The following PDLIM5 variants were observed in gnomAD, a reference collection of about 807,000 sequenced individuals.
PDLIM5 encodes the protein PDZ and LIM domain protein 5.
In PDLIM5, 34 loss-of-function variants were observed where a neutral mutation model predicts 64.2. That is an observed-to-expected ratio of 0.53 (90% CI 0.40 to 0.71). The LOEUF is 0.71. Among genes scored for constraint, PDLIM5 ranks in the 30% least tolerant of loss-of-function variants. The probability of loss-of-function intolerance (pLI) is 0.00; values close to 1 mark genes in which losing one functional copy is unlikely to be tolerated. For synonymous variants in PDLIM5, 253 were observed against 269.1 expected, an observed-to-expected ratio of 0.94 and a Z score of 0.59; for missense variants, 683 against 733.6, an observed-to-expected ratio of 0.93 and a Z score of 0.80.
At chr4:94,513,256 G>C (rs912803534) in intron 2 of PDLIM5, among the ~76,000 whole-genome samples, 4 of 152,040 alleles carry the variant, frequency 2.6e-5, no homozygotes, top group African/African-American at 9.7e-5. Flanking sequence ...TGCTTTTTCT[G>C]TTTCTGTGAA....
At chr4:94,614,748 C>T (rs758554070) in intron 7 of PDLIM5, among the ~76,000 whole-genome samples, 8 of 152,082 alleles carry the variant, frequency 5.3e-5, no homozygotes, top group Non-Finnish European at 7.4e-5. Flanking sequence ...TGAGAGAGAA[C>T]GTATACAAAC....
intron 2 of PDLIM5, among the ~76,000 whole-genome samples, chr4:94,493,153 A>G (rs1727022381): frequency 6.6e-6 from 1 of 152,162 alleles, no homozygotes; most frequent in Admixed American, 6.6e-5. Flanking sequence ...ACATTTGTAT[A>G]TCTTGTTTGG....
intron 3 of PDLIM5, among the ~76,000 whole-genome samples, chr4:94,554,834 C>G (rs533896244): frequency 6.6e-6 from 1 of 152,264 alleles, no homozygotes; most frequent in South Asian, 2.1e-4. Context: ...GAATGGTCCT[C>G]AATTTACAAA....
chr4:94,547,554 C>G (rs1233762929), intron 3 of PDLIM5, among the ~76,000 whole-genome samples: 1 of 152,150 alleles, frequency 6.6e-6, no homozygotes, highest in Non-Finnish European at 1.5e-5. Flanking sequence ...TTAATTCCAT[C>G]TGGTACCCTA....
chr4:94,464,201 C>T (rs1207371188), intron 2 of PDLIM5, among the ~76,000 whole-genome samples: 1 of 152,188 alleles, frequency 6.6e-6, no homozygotes, highest in Non-Finnish European at 1.5e-5. Flanking sequence ...AATTGTTAAA[C>T]ATTTTTTTCC....
At chr4:94,534,109 C>A (rs2110164111) in intron 3 of PDLIM5, among the ~76,000 whole-genome samples, 2 of 152,286 alleles carry the variant, frequency 1.3e-5, no homozygotes, top group South Asian at 4.1e-4. Flanking sequence ...CAGTACACAC[C>A]TAGTCTTGTT....
At chr4:94,575,081 T>G (rs1278199957) in intron 4 of PDLIM5, among the ~76,000 whole-genome samples, 1 of 151,880 alleles carries the variant, frequency 6.6e-6, no homozygotes, top group African/African-American at 2.4e-5. Context: ...ATTCCCTGTG[T>G]TTTTTGTTTT....
At chr4:94,488,082 A>C (rs1358470338) in intron 2 of PDLIM5, among the ~76,000 whole-genome samples, 2 of 152,196 alleles carry the variant, frequency 1.3e-5, no homozygotes, top group Non-Finnish European at 2.9e-5. Context: ...GTGCTGAATT[A>C]ACCCATTCCT....
At chr4:94,518,066 A>G (rs1333561054) in intron 2 of PDLIM5, among the ~76,000 whole-genome samples, 1 of 152,198 alleles carries the variant, frequency 6.6e-6, no homozygotes, top group African/African-American at 2.4e-5. Context: ...TAAATTTCAT[A>G]TATAGACAAT....
At chr4:94,629,698 T>A (rs529078687) in intron 8 of PDLIM5, among the ~76,000 whole-genome samples, 1 of 152,240 alleles carries the variant, frequency 6.6e-6, no homozygotes, top group African/African-American at 2.4e-5. Flanking sequence ...GATGTGGAAA[T>A]ATTTGATACT....
At position 94,657,809 on chromosome 4, in the gene PDLIM5, C is replaced by T. The variant is rs539931133; in HGVS notation, c.1585+262C>T. Among the ~76,000 whole-genome samples, 12 of 152,106 alleles carry T rather than the reference C, an allele frequency of 7.9e-5. No individual in the cohort carries two copies. In the South Asian group the frequency reaches 1.2e-3, roughly 16 times the overall value. ...GCAGCCTCTGCCTCCCAGGTTCAGG[C>T]GATTCTCCTGCCTCAGCCTCCCGAA... On this transcript the variant is annotated intron_variant, in intron 11 of 12. Coordinates refer to ENST00000317968, the MANE Select transcript of PDLIM5 (RefSeq NM_006457.5).
At chr4:94,595,168 C>T (rs1450961178) in intron 7 of PDLIM5, among the ~76,000 whole-genome samples, 1 of 152,172 alleles carries the variant, frequency 6.6e-6, no homozygotes, top group African/African-American at 2.4e-5. Flanking sequence ...CCCCAATGAT[C>T]CAGGTACCTC....
intron 7 of PDLIM5, among the ~76,000 whole-genome samples, chr4:94,614,433 A>G (rs1021676316): frequency 1.3e-5 from 2 of 152,166 alleles, no homozygotes; most frequent in African/African-American, 4.8e-5. Context: ...ATGTTTATGT[A>G]TGCTCTTTAA....
chr4:94,482,674 GT>G (rs1300992858), intron 2 of PDLIM5, among the ~76,000 whole-genome samples: 1 of 152,022 alleles, frequency 6.6e-6, no homozygotes, highest in Non-Finnish European at 1.5e-5. Flanking sequence ...AGGCAGGAGG[GT>G]TGCTTGAGTT....
At chr4:94,647,278 A>G (rs1305583166) in intron 9 of PDLIM5, among the ~76,000 whole-genome samples, 1 of 152,176 alleles carries the variant, frequency 6.6e-6, no homozygotes, top group Non-Finnish European at 1.5e-5. Flanking sequence ...TAAAAGATAC[A>G]AATATGTTAC....
intron 2 of PDLIM5, among the ~76,000 whole-genome samples, chr4:94,522,956 A>G (rs983157474): frequency 1.3e-5 from 2 of 152,092 alleles, no homozygotes; most frequent in African/African-American, 2.4e-5. Context: ...TGAAAAGTTC[A>G]CTGTCACTTA....
At chr4:94,662,217 T>C (rs1286414614) in intron 11 of PDLIM5, among the ~76,000 whole-genome samples, 1 of 139,454 alleles carries the variant, frequency 7.2e-6, no homozygotes, top group Non-Finnish European at 1.6e-5. Flanking sequence ...GTTGTATAAA[T>C]AATATTTATA....
Position 94,466,943 on chromosome 4 carries a change from A to G in PDLIM5, c.96+11559A>G, listed in dbSNP as rs767637895. Among the ~76,000 whole-genome samples, 67 of 152,238 alleles carry G rather than the reference A, an allele frequency of 4.4e-4. 1 individual carries two copies. Among genetic ancestry groups the G allele is most frequent in the African/African-American group, 1.5e-3 (64 of 41,462 alleles). ...GAGACTTACAGAGAAATCCTTGGCT[A>G]TACTAGGTTTTGTTTTACACCTCAT... On this transcript the variant is annotated intron_variant, in intron 2 of 12. Transcript: ENST00000317968.
rs1477746279 is a variant in PDLIM5 at position 94,659,484 on chromosome 4, A to ATG, written c.1585+1938_1585+1939insGT. ...AGCAGGCATAGAGCAGCTGTAGTATATATGTGTGTATGTGTGTGTGTGTGT... is the reference window on the plus strand; with the variant it reads ...AGCAGGCATAGAGCAGCTGTAGTATATGTATGTGTGTATGTGTGTGTGTGTGT... On this transcript the variant is annotated intron_variant, in intron 11 of 12. Coordinates refer to ENST00000317968, the MANE Select transcript of PDLIM5 (RefSeq NM_006457.5). Among the ~76,000 whole-genome samples, 713 of 133,710 alleles carry ATG rather than the reference A, an allele frequency of 5.3e-3. 2 individuals carry two copies. The highest frequency in any genetic ancestry group is 9.7e-3 in the African/African-American group (335 of 34,460). 87.7% of individuals were successfully genotyped at this position (133,710 alleles called of 152,430 possible). A position where few individuals can be genotyped will look rare whatever the true frequency, so the allele number is the denominator to read the frequency against.
Sources: gnomAD v4.1 joint callset for allele counts (sites outside exome capture counted in the v4.1 genomes callset) on GRCh38, gnomAD v4.1.1 for gene constraint, MANE v1.5 for transcripts, NCBI Gene and HGNC (gene_info 2026-07-23, HGNC 2026-07-21) for gene names.